The following TOX variants were observed in gnomAD, a reference collection of about 807,000 sequenced individuals.
TOX encodes the protein thymocyte selection-associated high mobility group box protein TOX.
In TOX, 11 loss-of-function variants were observed where a neutral mutation model predicts 53.7. The ratio of observed to expected loss-of-function variants is 0.20; its 90% CI spans 0.13 to 0.34. TOX has a LOEUF of 0.34. Among genes scored for constraint, TOX ranks in the 10% least tolerant of loss-of-function variants. The pLI is 1.00. For missense variants in TOX, 570 were observed against 664.6 expected (o/e 0.86, Z 1.56); for synonymous variants, 225 against 245.3 (o/e 0.92, Z 0.77).
chr8:58,983,008 A>G (rs554934365), intron 1 of TOX, among the ~76,000 whole-genome samples: 2 of 152,110 alleles, frequency 1.3e-5, no homozygotes, highest in Non-Finnish European at 2.9e-5. Context: ...CAAATATCCA[A>G]ATTTTAACCA....
intron 3 of TOX, among the ~76,000 whole-genome samples, chr8:58,928,630 C>CTG: frequency 6.7e-6 from 1 of 150,156 alleles, no homozygotes; most frequent in Middle Eastern, 3.5e-3. Flanking sequence ...TTTTCAAGCA[C>CTG]TATATATATA....
intron 6 of TOX, among the ~76,000 whole-genome samples, chr8:58,824,269 A>C (rs1810331171): frequency 6.6e-6 from 1 of 152,188 alleles, no homozygotes; most frequent in Non-Finnish European, 1.5e-5. Flanking sequence ...CTGAGGATTA[A>C]GGGAACTTAT....
intron 3 of TOX, among the ~76,000 whole-genome samples, chr8:58,892,359 A>T (rs1006462149): frequency 2.6e-5 from 4 of 152,110 alleles, no homozygotes; most frequent in African/African-American, 4.8e-5. Flanking sequence ...TTTTTTCTCC[A>T]CTTAAAATAA....
intron 1 of TOX, among the ~76,000 whole-genome samples, chr8:59,018,972 T>C (rs935057683): frequency 1.3e-5 from 2 of 152,192 alleles, no homozygotes; most frequent in Admixed American, 6.5e-5. Flanking sequence ...GTCTAAGAGT[T>C]CTGTTTTCAT....
At chr8:59,111,348 T>G (rs1002375991) in intron 1 of TOX, among the ~76,000 whole-genome samples, 2 of 152,162 alleles carry the variant, frequency 1.3e-5, no homozygotes, top group Admixed American at 6.5e-5. Context: ...AGCCCTAAGA[T>G]TCTCAACAGC....
intron 7 of TOX, among the ~76,000 whole-genome samples, chr8:58,814,827 T>C (rs1277979981): frequency 6.6e-6 from 1 of 152,206 alleles, no homozygotes; most frequent in East Asian, 1.9e-4. Flanking sequence ...CTGGTTAAAA[T>C]GTTCAGTTCT....
At chr8:58,967,706 C>T (rs996048879) in intron 1 of TOX, among the ~76,000 whole-genome samples, 1 of 152,158 alleles carries the variant, frequency 6.6e-6, no homozygotes, top group African/African-American at 2.4e-5. Context: ...TGCCCAGCAA[C>T]CAGCGATGAG....
chr8:59,082,375 T>A (rs1430329425), intron 1 of TOX, among the ~76,000 whole-genome samples: 1 of 152,216 alleles, frequency 6.6e-6, no homozygotes, highest in African/African-American at 2.4e-5. Flanking sequence ...ATGAGATGGG[T>A]AGTTTCCTCG....
intron 5 of TOX, among the ~76,000 whole-genome samples, chr8:58,830,000 G>A (rs943302410): frequency 1.3e-5 from 2 of 152,092 alleles, no homozygotes; most frequent in African/African-American, 4.8e-5. Context: ...TAACTGACAA[G>A]GATGGGTCTG....
chr8:59,088,659 G>A (rs887601807), intron 1 of TOX, among the ~76,000 whole-genome samples: 3 of 152,176 alleles, frequency 2.0e-5, no homozygotes, highest in Admixed American at 1.3e-4. Flanking sequence ...GAATTTTAAT[G>A]ACTAAAAAAA....
In TOX at chr8:58,851,939, T is replaced by A; in HGVS notation, c.412-134A>T. On this transcript the variant is annotated intron_variant, in intron 3 of 8. Coordinates refer to ENST00000361421, the MANE Select transcript of TOX (RefSeq NM_014729.3). The surrounding 1 kb of genome is among the most constrained non-coding windows in gnomAD (Gnocchi z 4.4). ...TGTTCTGCTGAGTTACATACACATT[T>A]ATTTTATCTGGGGTAAAATAATCCT... 2.6e-6 allele frequency: 2 copies of A among 777,668 alleles called. No individual in the cohort carries two copies. The highest frequency in any genetic ancestry group is 1.7e-6 in the Non-Finnish European group (1 of 590,880). The allele number at this position is 777,668 out of a possible 1,614,324, so 48.2% of individuals were successfully genotyped here.
intron 1 of TOX, among the ~76,000 whole-genome samples, chr8:59,040,362 T>G (rs1298846416): frequency 6.7e-6 from 1 of 149,246 alleles, no homozygotes; most frequent in Non-Finnish European, 1.5e-5. Flanking sequence ...AAGCATCAAT[T>G]TCCTTCCATC....
rs546093976 is a variant in TOX, at chr8:58,865,193, T to C, written c.412-13388A>G. On this transcript the variant is annotated intron_variant, in intron 3 of 8. Transcript: ENST00000361421. ...GCCATTGTAAGCTTTTAAAATTGTGTACAAGGGGTTTAACCACAGGAGAGT... is the reference window on the plus strand; with the variant it reads ...GCCATTGTAAGCTTTTAAAATTGTGCACAAGGGGTTTAACCACAGGAGAGT... Among the ~76,000 whole-genome samples, 8 of 152,276 alleles carry C rather than the reference T, an allele frequency of 5.3e-5. No homozygotes were observed. In the South Asian group the frequency reaches 1.7e-3, roughly 32 times the overall value.
At chr8:58,906,442 C>T (rs1448100109) in intron 3 of TOX, among the ~76,000 whole-genome samples, 3 of 152,174 alleles carry the variant, frequency 2.0e-5, no homozygotes, top group East Asian at 1.9e-4. Flanking sequence ...TGGAGTTCTA[C>T]GTCACATTAT....
chr8:58,860,374 A>T (rs865921776), intron 3 of TOX, among the ~76,000 whole-genome samples: 5 of 152,260 alleles, frequency 3.3e-5, no homozygotes, highest in South Asian at 2.1e-4. Flanking sequence ...CTCACTTCCT[A>T]GTGGAAGAGA....
chr8:58,819,344 A>C (rs1810233306), intron 6 of TOX, among the ~76,000 whole-genome samples: 1 of 152,210 alleles, frequency 6.6e-6, no homozygotes, highest in Non-Finnish European at 1.5e-5. Flanking sequence ...CATGTTGGTC[A>C]CCTGACAAAT....
At chr8:59,040,192 A>G (rs887743535) in intron 1 of TOX, among the ~76,000 whole-genome samples, 1 of 151,002 alleles carries the variant, frequency 6.6e-6, no homozygotes, top group Non-Finnish European at 1.5e-5. Flanking sequence ...AGCCGGGCGT[A>G]GTGGCGGGCG....
intron 1 of TOX, among the ~76,000 whole-genome samples, chr8:59,025,646 C>T (rs1422597788): frequency 6.6e-6 from 1 of 152,140 alleles, no homozygotes; most frequent in Non-Finnish European, 1.5e-5. Context: ...CTGCCTTCTC[C>T]CCCTAGTCTC....
At chr8:59,100,514 G>T (rs1804788682) in intron 1 of TOX, among the ~76,000 whole-genome samples, 1 of 152,136 alleles carries the variant, frequency 6.6e-6, no homozygotes. Flanking sequence ...TAAAGTAATT[G>T]TGAAAGTATA....
Sources: gnomAD v4.1 joint callset for allele counts (sites outside exome capture counted in the v4.1 genomes callset) on GRCh38, gnomAD v4.1.1 for gene constraint, Gnocchi (gnomAD v3.1) non-coding constraint, MANE v1.5 for transcripts, NCBI Gene and HGNC (gene_info 2026-07-23, HGNC 2026-07-21) for gene names.